The following PTPRK variants were observed in gnomAD, a reference collection of about 807,000 sequenced individuals.
PTPRK encodes protein tyrosine phosphatase receptor type K, also known as receptor-type tyrosine-protein phosphatase kappa.
A neutral mutation model predicts 178.0 loss-of-function variants in PTPRK; 75 were observed. That is an observed-to-expected ratio of 0.42 (90% CI 0.35 to 0.51). The LOEUF (loss-of-function observed/expected upper bound fraction) is 0.51, where lower values mean the gene tolerates loss of function less well. PTPRK is among the 20% of genes least tolerant of loss of function. PTPRK has a pLI of 0.02. For synonymous variants in PTPRK, 637 were observed against 620.6 expected (o/e 1.03, Z -0.39); for missense variants, 1,441 against 1,797.8 (o/e 0.80, Z 3.59).
chr6:128,132,306 C>G (rs1167963275), intron 7 of PTPRK, among the ~76,000 whole-genome samples: 2 of 152,216 alleles, frequency 1.3e-5, no homozygotes, highest in Non-Finnish European at 2.9e-5. Flanking sequence ...TCCTGAGTAG[C>G]TGGGACTACA....
chr6:128,403,749 C>T lies in PTPRK; in HGVS notation c.101-6061G>A, dbSNP rs1287417450. 7.9e-5 allele frequency among the ~76,000 whole-genome samples: 12 copies of T among 152,244 alleles called. No homozygotes were observed. The East Asian group carries it at 1.7e-3, about 22-fold the overall frequency. On this transcript the variant is annotated intron_variant, in intron 1 of 29. Coordinates refer to ENST00000368226, the MANE Select transcript of PTPRK (RefSeq NM_002844.4). ...AGACTAAAAATAGTTTATATGAAGG[C>T]AATATTACCATATTGCCAAAACCAG...
intron 19 of PTPRK, among the ~76,000 whole-genome samples, chr6:127,991,887 C>T (rs1266344432): frequency 6.6e-6 from 1 of 151,712 alleles, no homozygotes; most frequent in Non-Finnish European, 1.5e-5. Context: ...TGTTCTCTAC[C>T]GAATACCATA....
chr6:128,226,189 T>TACCC (rs1413979602), intron 5 of PTPRK, among the ~76,000 whole-genome samples: 1 of 152,186 alleles, frequency 6.6e-6, no homozygotes, highest in Admixed American at 6.5e-5. Flanking sequence ...CTCAAATCTC[T>TACCC]ACCTTTTCAT....
chr6:128,298,102 C>T (rs1306653873), intron 3 of PTPRK, among the ~76,000 whole-genome samples: 1 of 152,140 alleles, frequency 6.6e-6, no homozygotes, highest in African/African-American at 2.4e-5. Context: ...ACTACAAACA[C>T]CTCTAAGCAA....
At chr6:128,060,226 T>C (rs1006411205) in intron 13 of PTPRK, among the ~76,000 whole-genome samples, 1 of 152,210 alleles carries the variant, frequency 6.6e-6, no homozygotes, top group African/African-American at 2.4e-5. Context: ...GTGTTACTCC[T>C]TTTTAATTTC....
intron 1 of PTPRK, among the ~76,000 whole-genome samples, chr6:128,400,090 A>G (rs1840826975): frequency 6.6e-6 from 1 of 152,196 alleles, no homozygotes; most frequent in Non-Finnish European, 1.5e-5. Flanking sequence ...ATGATAGGAA[A>G]TGCAAAAATA....
intron 1 of PTPRK, among the ~76,000 whole-genome samples, chr6:128,496,669 C>T (rs189918900): frequency 2.6e-5 from 4 of 152,254 alleles, no homozygotes; most frequent in Non-Finnish European, 4.4e-5. Flanking sequence ...ACAACATATG[C>T]AGCTTTTTAA....
chr6:128,444,389 T>G (rs1846673575), intron 1 of PTPRK, among the ~76,000 whole-genome samples: 1 of 152,102 alleles, frequency 6.6e-6, no homozygotes, highest in Non-Finnish European at 1.5e-5. Flanking sequence ...TTAACCAGAA[T>G]CCCCTTTTTC....
intron 3 of PTPRK, among the ~76,000 whole-genome samples, chr6:128,271,766 T>A (rs905265088): frequency 6.6e-6 from 1 of 151,904 alleles, no homozygotes; most frequent in African/African-American, 2.4e-5. Context: ...TATAGATGCA[T>A]AATCTCTGGC....
At position 127,990,891 on chromosome 6, in the gene PTPRK, T is replaced by C; in HGVS notation, c.2980-6A>G. The C allele has an allele frequency of 6.5e-7, 1 of 1,533,296 alleles. No individual in the cohort carries two copies. Among genetic ancestry groups the C allele is most frequent in the Admixed American group, 1.7e-5 (1 of 59,546 alleles). The allele number at this position is 1,533,296 out of a possible 1,614,324, so 95.0% of individuals were successfully genotyped here. A position where few individuals can be genotyped will look rare whatever the true frequency, so the allele number is the denominator to read the frequency against. On this transcript the variant is annotated splice_region_variant and splice_polypyrimidine_tract_variant and intron_variant, in intron 20 of 29. Coordinates refer to ENST00000368226, the MANE Select transcript of PTPRK (RefSeq NM_002844.4). ...CAATATTTATAGCATTTAACCTAAG[T>C]GACAAAAAGAATATATAGACAGACC...
chr6:128,281,109 C>G (rs1443968884), intron 3 of PTPRK, among the ~76,000 whole-genome samples: 1 of 152,106 alleles, frequency 6.6e-6, no homozygotes, highest in Non-Finnish European at 1.5e-5. Context: ...TACATCAGTA[C>G]AGAAAGGCAG....
intron 7 of PTPRK, among the ~76,000 whole-genome samples, chr6:128,101,775 C>A (rs1455756643): frequency 1.3e-5 from 2 of 152,152 alleles, no homozygotes; most frequent in African/African-American, 4.8e-5. Flanking sequence ...CCAATGTATT[C>A]ATCTGCTACC....
rs117160291 is a variant in PTPRK, at chr6:128,253,022, T to C, written c.496-10420A>G. On this transcript the variant is annotated intron_variant, in intron 3 of 29. Transcript: ENST00000368226. Reference sequence around the variant, plus strand: ...TAAGTGTGGTGAAGCTGCCTGAGACTAGAGACCACAGTATAAGGTATGCCA... The same window carrying C: ...TAAGTGTGGTGAAGCTGCCTGAGACCAGAGACCACAGTATAAGGTATGCCA... Among the ~76,000 whole-genome samples the C allele has an allele frequency of 3.8e-4, 58 of 152,268 alleles. No individual in the cohort carries two copies. The East Asian group carries it at 9.7e-3, about 25-fold the overall frequency.
intron 8 of PTPRK, among the ~76,000 whole-genome samples, chr6:128,089,358 C>T (rs1582952813): frequency 6.6e-6 from 1 of 152,236 alleles, no homozygotes; most frequent in East Asian, 1.9e-4. Context: ...GTGCATTTTA[C>T]CAATAGGCAA....
intron 15 of PTPRK, among the ~76,000 whole-genome samples, chr6:127,999,658 CCTT>C (rs760269103): frequency 1.4e-4 from 21 of 152,138 alleles, no homozygotes; most frequent in Admixed American, 2.6e-4. Flanking sequence ...TTACAAAGCT[CCTT>C]CTTTATGTTC....
chr6:128,215,747 C>G (rs546956442), intron 6 of PTPRK, among the ~76,000 whole-genome samples: 111 of 152,072 alleles, frequency 7.3e-4, no homozygotes, highest in Middle Eastern at 3.4e-3. Context: ...AAACTCTTAC[C>G]CTTGGGTCAT....
At chr6:128,225,062 T>C (rs1562822434) in intron 5 of PTPRK, among the ~76,000 whole-genome samples, 1 of 152,220 alleles carries the variant, frequency 6.6e-6, no homozygotes, top group Non-Finnish European at 1.5e-5. Flanking sequence ...TGTTACACTT[T>C]ACTTCAGAGT....
intron 18 of PTPRK, among the ~76,000 whole-genome samples, chr6:127,994,579 T>C (rs1486765486): frequency 6.6e-6 from 1 of 151,788 alleles, no homozygotes; most frequent in Non-Finnish European, 1.5e-5. Context: ...CCAGGGTGAT[T>C]ATGAACCAGG....
chr6:128,132,851 T>C (rs1245063514), intron 7 of PTPRK, among the ~76,000 whole-genome samples: 4 of 152,224 alleles, frequency 2.6e-5, no homozygotes, highest in African/African-American at 7.2e-5. Flanking sequence ...CCATATAAGA[T>C]ACAAAATTGT....
Sources: gnomAD v4.1 joint callset for allele counts (sites outside exome capture counted in the v4.1 genomes callset) on GRCh38, gnomAD v4.1.1 for gene constraint, MANE v1.5 for transcripts, NCBI Gene and HGNC (gene_info 2026-07-23, HGNC 2026-07-21) for gene names.